Variants in GRIA4 observed in about 807,000 individuals in gnomAD.
The protein encoded by GRIA4 is glutamate receptor 4.
Under a neutral mutation model 104.0 loss-of-function variants are expected in GRIA4, and 34 were observed. That is an observed-to-expected ratio of 0.33 (90% CI 0.25 to 0.44). The LOEUF (loss-of-function observed/expected upper bound fraction) is 0.44. Ranked by LOEUF, GRIA4 falls within the 20% of genes least tolerant of loss-of-function variation. GRIA4 has a pLI of 1.00. For synonymous variants in GRIA4, 386 were observed against 381.9 expected (o/e 1.01, Z -0.13); for missense variants, 750 against 1,096.5 (o/e 0.68, Z 4.46).
At chr11:105,689,240 A>G (rs1287815014) in intron 3 of GRIA4, among the ~76,000 whole-genome samples, 1 of 152,172 alleles carries the variant, frequency 6.6e-6, no homozygotes, top group African/African-American at 2.4e-5. Flanking sequence ...TAATTTGGCA[A>G]AAGGGAAAGT....
intron 7 of GRIA4, among the ~76,000 whole-genome samples, chr11:105,901,382 CTTG>C (rs1946849669): frequency 6.6e-6 from 1 of 152,124 alleles, no homozygotes; most frequent in South Asian, 2.1e-4. Flanking sequence ...CCAATTCTGT[CTTG>C]TTATCTATAA....
At chr11:105,661,470 A>T (rs1303958644) in intron 3 of GRIA4, among the ~76,000 whole-genome samples, 1 of 151,636 alleles carries the variant, frequency 6.6e-6, no homozygotes, top group Non-Finnish European at 1.5e-5. Context: ...TTTGGGGAAA[A>T]ATTCATTTTG....
chr11:105,830,563 C>T (rs1466468515), intron 4 of GRIA4, among the ~76,000 whole-genome samples: 1 of 152,022 alleles, frequency 6.6e-6, no homozygotes, highest in Admixed American at 6.6e-5. Context: ...TAAGCTAGAT[C>T]TCAGCAGGTT....
chr11:105,632,462 A>G (rs76884611), intron 3 of GRIA4, among the ~76,000 whole-genome samples: 2 of 152,144 alleles, frequency 1.3e-5, no homozygotes, highest in Admixed American at 1.3e-4. Flanking sequence ...AGAAGAGCAT[A>G]GCCTCTGCAG....
chr11:105,612,260 C>G lies in GRIA4; in HGVS notation c.89-16C>G, dbSNP rs772529297. 1.9e-5 allele frequency: 31 copies of G among 1,613,068 alleles called. No individual in the cohort carries two copies. Among genetic ancestry groups the G allele is most frequent in the Non-Finnish European group, 2.6e-5 (31 of 1,179,234 alleles). ...AGAGGAAACAGTGAATGTGCTTTTCCTGCTGTTTTTAATAGGTGGTCTCTT... is the reference window on the plus strand; with the variant it reads ...AGAGGAAACAGTGAATGTGCTTTTCGTGCTGTTTTTAATAGGTGGTCTCTT... On this transcript the variant is annotated splice_polypyrimidine_tract_variant and intron_variant, in intron 2 of 16. Coordinates refer to ENST00000282499, the MANE Select transcript of GRIA4 (RefSeq NM_000829.4).
At chr11:105,822,304 T>C (rs562174922) in intron 4 of GRIA4, among the ~76,000 whole-genome samples, 1 of 152,212 alleles carries the variant, frequency 6.6e-6, no homozygotes, top group South Asian at 2.1e-4. Context: ...TAAAAGAATG[T>C]GAAGTTTCTT....
chr11:105,829,094 T>TACACACAC (rs146841671), intron 4 of GRIA4, among the ~76,000 whole-genome samples: 1 of 151,026 alleles, frequency 6.6e-6, no homozygotes, highest in Non-Finnish European at 1.5e-5. Context: ...CAGTGATGTA[T>TACACACAC]ACACACACAC....
intron 4 of GRIA4, among the ~76,000 whole-genome samples, chr11:105,759,076 T>C: frequency 6.6e-6 from 1 of 152,084 alleles, no homozygotes. Context: ...ATAGTATTAA[T>C]AATCAAATCT....
At chr11:105,831,382 G>T (rs955747379) in intron 4 of GRIA4, among the ~76,000 whole-genome samples, 4 of 151,970 alleles carry the variant, frequency 2.6e-5, no homozygotes, top group Admixed American at 1.3e-4. Flanking sequence ...TAGTCACAAG[G>T]CCAGTGCAGA....
intron 3 of GRIA4, among the ~76,000 whole-genome samples, chr11:105,716,546 T>C (rs1954093865): frequency 6.6e-6 from 1 of 152,258 alleles, no homozygotes; most frequent in South Asian, 2.1e-4. Flanking sequence ...GTCCTATTTC[T>C]GATAACTCTG....
At position 105,971,955 on chromosome 11, in the gene GRIA4, G is replaced by C; in HGVS notation, c.2336G>C (p.Gly779Ala). Residue 779 changes from glycine (G) to alanine (A), a missense_variant, in exon 15 of 17, where the codon GGC becomes GCC. By Grantham distance (60) the Gly-to-Ala change is moderately conservative. Around this residue, in one of 3 missense-constraint regions of GRIA4, gnomAD observed 272 missense variants for 524.5 expected, o/e 0.52. Transcript: ENST00000282499. ...NLAVLKLSEA[G>A]VLDKLKNKWW... Reference sequence around the variant, plus strand: ...GCCGTTTTGAAACTCAGTGAGGCAGGCGTCTTAGACAAGCTGAAAAACAAA... The same window carrying C: ...GCCGTTTTGAAACTCAGTGAGGCAGCCGTCTTAGACAAGCTGAAAAACAAA... 6.2e-7 allele frequency: 1 copy of C among 1,612,812 alleles called. No individual in the cohort carries two copies. Among genetic ancestry groups the C allele is most frequent in the South Asian group, 1.1e-5 (1 of 91,062 alleles).
At chr11:105,651,365 T>TA (rs34372496) in intron 3 of GRIA4, among the ~76,000 whole-genome samples, 68,251 of 151,944 alleles carry the variant, frequency 0.45, 15,463 homozygotes, top group East Asian at 0.56. Context: ...AAACCTGCAT[T>TA]AGCATCATCT....
At chr11:105,833,319 ATATAAACATATTCTTATGC>A (rs1440818159) in intron 4 of GRIA4, among the ~76,000 whole-genome samples, 1 of 151,990 alleles carries the variant, frequency 6.6e-6, no homozygotes, top group African/African-American at 2.4e-5. Context: ...ACACATGTAT[ATATAAACATATTCTTATGC>A]TATATCTCAG....
intron 4 of GRIA4, among the ~76,000 whole-genome samples, chr11:105,794,268 C>T (rs1382167711): frequency 6.6e-6 from 1 of 150,984 alleles, no homozygotes; most frequent in Non-Finnish European, 1.5e-5. Context: ...GAGGAACATT[C>T]ATGTTTATAA....
chr11:105,769,069 T>A (rs879448009), intron 4 of GRIA4, among the ~76,000 whole-genome samples: 1 of 152,094 alleles, frequency 6.6e-6, no homozygotes, highest in Non-Finnish European at 1.5e-5. Context: ...CTGAGACACA[T>A]GCTCAGTAAC....
chr11:105,817,889 T>A (rs1370619897), intron 4 of GRIA4, among the ~76,000 whole-genome samples: 1 of 152,024 alleles, frequency 6.6e-6, no homozygotes, highest in Admixed American at 6.6e-5. Flanking sequence ...GCATCAGAAA[T>A]TAAATCCAGT....
Position 105,702,200 on chromosome 11 carries a change from T to C in GRIA4, c.248-50781T>C, listed in dbSNP as rs373932117. 1.2e-4 allele frequency among the ~76,000 whole-genome samples: 19 copies of C among 152,254 alleles called. 1 individual carries two copies. The South Asian group carries it at 2.7e-3, about 22-fold the overall frequency. On this transcript the variant is annotated intron_variant, in intron 3 of 16. Coordinates refer to ENST00000282499, the MANE Select transcript of GRIA4 (RefSeq NM_000829.4). ...CCTCCCACTTCAGCCTGGGATTACA[T>C]TGCATTTGTGTATTAATATTTTTCC...
chr11:105,881,930 T>C (rs1178553151), intron 5 of GRIA4, among the ~76,000 whole-genome samples: 3 of 152,214 alleles, frequency 2.0e-5, no homozygotes, highest in Non-Finnish European at 4.4e-5. Flanking sequence ...GTCCTGCTGT[T>C]ATCTTACAAG....
chr11:105,960,712 A>C (rs1948722012), intron 14 of GRIA4, among the ~76,000 whole-genome samples: 1 of 152,202 alleles, frequency 6.6e-6, no homozygotes, highest in Non-Finnish European at 1.5e-5. Context: ...AGAGGCTGTA[A>C]GAATCTGCAT....
Sources: allele counts gnomAD v4.1 joint callset (sites outside exome capture counted in the v4.1 genomes callset), GRCh38; gene constraint gnomAD v4.1.1; regional missense constraint gnomAD v4.1.1; transcripts MANE v1.5; gene names NCBI Gene and HGNC (gene_info 2026-07-23, HGNC 2026-07-21).